KCNIP4: variants seen among roughly 807,000 people sequenced by gnomAD.
KCNIP4 encodes Kv channel-interacting protein 4.
Under a neutral mutation model 34.0 loss-of-function variants are expected in KCNIP4, and 12 were observed. The ratio of observed to expected loss-of-function variants is 0.35; its 90% confidence interval spans 0.23 to 0.57. The LOEUF is 0.57. KCNIP4 is among the 20% of genes least tolerant of loss of function. KCNIP4 has a pLI of 0.83. For synonymous variants in KCNIP4, 124 were observed against 102.2 expected (o/e 1.21, Z -1.29); for missense variants, 238 against 311.7 (o/e 0.76, Z 1.78).
chr4:21,569,456 T>A (rs1740196123), intron 1 of KCNIP4, among the ~76,000 whole-genome samples: 1 of 151,812 alleles, frequency 6.6e-6, no homozygotes, highest in Non-Finnish European at 1.5e-5. Flanking sequence ...ATATTATGAA[T>A]TTGAGGATTC....
chr4:21,126,460 C>T (rs1256114271), intron 1 of KCNIP4, among the ~76,000 whole-genome samples: 1 of 151,960 alleles, frequency 6.6e-6, no homozygotes, highest in Non-Finnish European at 1.5e-5. Context: ...TCTGAGAAAT[C>T]AAACTATTTG....
At chr4:21,425,602 G>A (rs1414728364) in intron 1 of KCNIP4, among the ~76,000 whole-genome samples, 2 of 152,008 alleles carry the variant, frequency 1.3e-5, no homozygotes, top group African/African-American at 2.4e-5. Context: ...ATATTTGAAC[G>A]TATATGCACA....
intron 3 of KCNIP4, among the ~76,000 whole-genome samples, chr4:20,776,903 T>C (rs2149386649): frequency 6.6e-6 from 1 of 152,180 alleles, no homozygotes. Context: ...GATGAAGGCA[T>C]GATTACTTTA....
At chr4:21,906,080 T>C (rs1029251401) in intron 1 of KCNIP4, among the ~76,000 whole-genome samples, 2 of 152,196 alleles carry the variant, frequency 1.3e-5, no homozygotes, top group African/African-American at 4.8e-5. Flanking sequence ...GTTTCATTCA[T>C]CTATGAGTGT....
At chr4:21,375,474 A>G (rs1994983) in intron 1 of KCNIP4, among the ~76,000 whole-genome samples, 133,162 of 152,234 alleles carry the variant, frequency 0.87, 58,589 homozygotes, top group Non-Finnish European at 0.92. Flanking sequence ...ATGGGAAAAT[A>G]TATGTCAAAT....
chr4:20,830,197 G>A (rs866541496), intron 3 of KCNIP4, among the ~76,000 whole-genome samples: 19 of 152,082 alleles, frequency 1.2e-4, no homozygotes, highest in Admixed American at 7.2e-4. Flanking sequence ...ATATTTACTC[G>A]GACAGTGTAA....
At chr4:21,644,344 T>C (rs530230893) in intron 1 of KCNIP4, among the ~76,000 whole-genome samples, 17 of 152,290 alleles carry the variant, frequency 1.1e-4, no homozygotes, top group East Asian at 5.8e-4. Flanking sequence ...ACCCAAGCTA[T>C]AGAAGAGCCT....
At chr4:21,300,964 G>T (rs368738979) in intron 1 of KCNIP4, among the ~76,000 whole-genome samples, 1 of 152,260 alleles carries the variant, frequency 6.6e-6, no homozygotes, top group South Asian at 2.1e-4. Context: ...GAAAGCAAGA[G>T]AGTAGCAGAG....
chr4:21,291,692 C>CA lies in KCNIP4; in HGVS notation c.62-408984dup, dbSNP rs879826777. On this transcript the variant is annotated intron_variant, in intron 1 of 8. Coordinates refer to ENST00000382152, the MANE Select transcript of KCNIP4 (RefSeq NM_025221.6). The stretch of plus-strand genomic sequence containing the variant: ...GTGAAACCCTGTCTCTATTAAAATA[C>CA]AAAAAAAAAAAATTAGCCAGGCATG... Among the ~76,000 whole-genome samples, 641 of 139,926 alleles carry CA rather than the reference C, an allele frequency of 4.6e-3. 4 individuals are homozygous for CA. The highest frequency in any genetic ancestry group is 0.011 in the African/African-American group (431 of 38,352). 91.8% of individuals were successfully genotyped at this position (139,926 alleles called of 152,430 possible).
intron 5 of KCNIP4, among the ~76,000 whole-genome samples, chr4:20,742,528 T>C (rs1751379169): frequency 6.6e-6 from 1 of 152,150 alleles, no homozygotes; most frequent in Non-Finnish European, 1.5e-5. Flanking sequence ...CCCTTCATGC[T>C]AAAAACTCTC....
At chr4:21,330,615 T>G (rs1320925181) in intron 1 of KCNIP4, among the ~76,000 whole-genome samples, 2 of 152,196 alleles carry the variant, frequency 1.3e-5, no homozygotes, top group Non-Finnish European at 2.9e-5. Context: ...TATTTAATCC[T>G]ATTTGAATTT....
chr4:20,826,541 G>A (rs1192829908), intron 3 of KCNIP4, among the ~76,000 whole-genome samples: 3 of 151,892 alleles, frequency 2.0e-5, no homozygotes, highest in African/African-American at 7.3e-5. Context: ...ACATGATCAT[G>A]CCACTGTACT....
At chr4:21,042,262 A>T (rs952562574) in intron 1 of KCNIP4, among the ~76,000 whole-genome samples, 1 of 152,208 alleles carries the variant, frequency 6.6e-6, no homozygotes, top group Admixed American at 6.5e-5. Flanking sequence ...ACTACTCACA[A>T]TAGCTAAGAT....
chr4:20,749,754 A>G (rs1407903441), intron 4 of KCNIP4, 22 bp from the exon 5 acceptor site: 2 of 1,542,518 alleles, frequency 1.3e-6, no homozygotes, highest in East Asian at 2.3e-5. Flanking sequence ...AAAAGGGAGT[A>G]TCATTAAGTC....
chr4:20,806,530 T>C (rs1056864018), intron 3 of KCNIP4, among the ~76,000 whole-genome samples: 9 of 152,128 alleles, frequency 5.9e-5, no homozygotes, highest in Admixed American at 5.2e-4. Flanking sequence ...TTTTCCATTA[T>C]ATTATTATAT....
intron 1 of KCNIP4, among the ~76,000 whole-genome samples, chr4:20,963,877 T>C (rs575310728): frequency 1.5e-3 from 231 of 152,148 alleles, no homozygotes; most frequent in African/African-American, 5.3e-3. Context: ...CTTTGAGCTT[T>C]GTTATATTTC....
At chr4:21,507,053 G>A (rs549144576) in intron 1 of KCNIP4, among the ~76,000 whole-genome samples, 15 of 151,760 alleles carry the variant, frequency 9.9e-5, no homozygotes, top group Non-Finnish European at 2.1e-4. Context: ...CTCCCAAAGT[G>A]CTATCATTAC....
chr4:21,803,453 T>A (rs1425717815), intron 1 of KCNIP4, among the ~76,000 whole-genome samples: 1 of 152,168 alleles, frequency 6.6e-6, no homozygotes, highest in Non-Finnish European at 1.5e-5. Flanking sequence ...CAATGCACTG[T>A]GATGTGATAA....
At chr4:21,591,976 C>T (rs564013988) in intron 1 of KCNIP4, among the ~76,000 whole-genome samples, 4 of 152,148 alleles carry the variant, frequency 2.6e-5, no homozygotes, top group South Asian at 2.1e-4. Flanking sequence ...TACAGTTCTA[C>T]GGTGCTGCAT....
Sources: allele counts gnomAD v4.1 joint callset (sites outside exome capture counted in the v4.1 genomes callset), GRCh38; gene constraint gnomAD v4.1.1; transcripts MANE v1.5; gene names NCBI Gene and HGNC (gene_info 2026-07-23, HGNC 2026-07-21).